Variants in ETV1 observed in about 807,000 individuals in gnomAD.
The protein encoded by ETV1 is ETS variant transcription factor 1.
ETV1 carries 27 observed loss-of-function variants against 62.3 expected under a neutral mutation model. That is an observed-to-expected ratio of 0.43 (90% CI 0.32 to 0.60). The LOEUF (loss-of-function observed/expected upper bound fraction) is 0.60. ETV1 is among the 20% of genes least tolerant of loss of function. The pLI is 0.06. For synonymous variants in ETV1, 222 were observed against 199.6 expected (o/e 1.11, Z -0.94); for missense variants, 605 against 605.8 (o/e 1.00, Z 0.01).
At chr7:13,984,079 T>C (rs1204112473) in intron 5 of ETV1, among the ~76,000 whole-genome samples, 8 of 151,968 alleles carry the variant, frequency 5.3e-5, no homozygotes, top group Non-Finnish European at 1.5e-5. Flanking sequence ...TTTATAATTT[T>C]TCAAAAACAC....
chr7:13,964,108 GC>G (rs1038498380), intron 6 of ETV1, among the ~76,000 whole-genome samples: 1 of 152,108 alleles, frequency 6.6e-6, no homozygotes, highest in African/African-American at 2.4e-5. Context: ...TGACATTCTG[GC>G]CCCAGTGCCA....
At chr7:13,919,591 C>T (rs956442137) in intron 9 of ETV1, among the ~76,000 whole-genome samples, 2 of 147,334 alleles carry the variant, frequency 1.4e-5, no homozygotes, top group South Asian at 4.3e-4. Flanking sequence ...CACACACACA[C>T]ACACACACAC....
intron 12 of ETV1, among the ~76,000 whole-genome samples, chr7:13,903,762 C>CAAAA (rs534972176): frequency 4.3e-5 from 4 of 93,164 alleles, no homozygotes; most frequent in African/African-American, 1.5e-4. Flanking sequence ...GATTCCATCT[C>CAAAA]AAAAAAAAAA....
chr7:13,899,753 A>C lies in ETV1; in HGVS notation c.1212+985T>G, dbSNP rs565039930. On this transcript the variant is annotated intron_variant, in intron 13 of 13. Coordinates refer to ENST00000430479, the MANE Select transcript of ETV1 (RefSeq NM_004956.5). Reference sequence around the variant, plus strand: ...AAACAAATATCCACGTTTTATCTTCATTCATTTATTTATTCCTTTCTTCAA... The same window carrying C: ...AAACAAATATCCACGTTTTATCTTCCTTCATTTATTTATTCCTTTCTTCAA... Among the ~76,000 whole-genome samples, 5 of 152,206 alleles carry C rather than the reference A, an allele frequency of 3.3e-5. No homozygotes were observed. The South Asian group carries it at 8.3e-4, about 25-fold the overall frequency.
At chr7:13,964,725 G>A (rs865811013) in intron 6 of ETV1, among the ~76,000 whole-genome samples, 1 of 148,606 alleles carries the variant, frequency 6.7e-6, no homozygotes, top group Middle Eastern at 3.2e-3. Context: ...CCAGTATCTG[G>A]AATAAGATAC....
upstream of ETV1, chr7:13,990,007 C>G (rs1418622327): frequency 6.2e-6 from 1 of 160,542 alleles, no homozygotes; most frequent in Non-Finnish European, 1.4e-5. Context: ...CACTATTGGG[C>G]TGGTTTCCTT....
Position 13,909,810 on chromosome 7 carries a change from C to G in ETV1, c.872-110G>C, listed in dbSNP as rs114480913. ...GTGATAGAAAATGACTCTGCCACCA[C>G]CTTTCAGTTCCTTGAGCCCTGGACA... On this transcript the variant is annotated intron_variant, in intron 10 of 13. Transcript: ENST00000430479. 3.6e-3 allele frequency: 3,088 copies of G among 863,116 alleles called. 66 individuals are homozygous for G. In the African/African-American group the frequency reaches 0.046, roughly 13 times the overall value. The allele number at this position is 863,116 out of a possible 1,614,324, so 53.5% of individuals were successfully genotyped here. A position where few individuals can be genotyped will look rare whatever the true frequency, so the allele number is the denominator to read the frequency against.
At chr7:13,936,238 T>C (rs1786795060) in intron 7 of ETV1, among the ~76,000 whole-genome samples, 1 of 152,218 alleles carries the variant, frequency 6.6e-6, no homozygotes, top group Non-Finnish European at 1.5e-5. Flanking sequence ...GAAAGTTTGA[T>C]AGATCTTTCC....
chr7:13,935,849 G>A lies in ETV1; in HGVS notation c.413C>T (p.Pro138Leu). ...GGACACTGGCGTGCTGGATGGTGTG[G>A]GGGGGTTGGAGGGCCTCATTCCCAC... ...PQVGMRPSNPPTPSSTPVSPL... is the reference protein window; with the variant it reads ...PQVGMRPSNPLTPSSTPVSPL... The change falls in exon 8 of 14, where the codon CCC becomes CTC. Residue 138 changes from proline to leucine, a missense_variant. Physicochemically the swap from Pro to Leu is moderately conservative, Grantham distance 98. Around this residue, in one of 3 missense-constraint regions of ETV1, gnomAD observed 426 missense variants for 377.8 expected, o/e 1.13. Transcript: ENST00000430479. 5 of 1,613,884 alleles carry A rather than the reference G, an allele frequency of 3.1e-6. No homozygotes were observed. The highest frequency in any genetic ancestry group is 4.2e-6 in the Non-Finnish European group (5 of 1,179,850).
At chr7:13,938,523 T>C (rs1324234807) in intron 7 of ETV1, among the ~76,000 whole-genome samples, 1 of 152,232 alleles carries the variant, frequency 6.6e-6, no homozygotes, top group Non-Finnish European at 1.5e-5. Context: ...AGTAGCATCA[T>C]ACAATTTACT....
At position 13,895,868 on chromosome 7, in the gene ETV1, A is replaced by G; in HGVS notation, c.1432T>C (p.Ter478GlnextTer3). 1 of 1,611,900 alleles carries G rather than the reference A, an allele frequency of 6.2e-7. No individual in the cohort carries two copies. The highest frequency in any genetic ancestry group is 8.5e-7 in the Non-Finnish European group (1 of 1,178,722). The change falls in exon 14 of 14, where the codon TAA becomes CAA. Residue 478 changes from the stop codon to glutamine (Q), a stop_lost. Coordinates refer to ENST00000430479, the MANE Select transcript of ETV1 (RefSeq NM_004956.5). The stretch of plus-strand genomic sequence containing the variant: ...GCCCTGCTTGACTGTCACTTGTGTT[A>G]ATACACGTAGCCTTCGTTGTAGGGG... ...PHPYNEGYVY* is the reference protein window; with the variant it reads ...PHPYNEGYVYQ
intron 6 of ETV1, among the ~76,000 whole-genome samples, chr7:13,962,659 G>T (rs1790328204): frequency 6.6e-6 from 1 of 152,014 alleles, no homozygotes; most frequent in African/African-American, 2.4e-5. Context: ...TGAAGCTGAA[G>T]ACCTATGTAT....
intron 6 of ETV1, among the ~76,000 whole-genome samples, chr7:13,970,937 A>T (rs192905859): frequency 1.3e-5 from 2 of 152,092 alleles, no homozygotes; most frequent in East Asian, 3.9e-4. Context: ...TGAAAAAAAA[A>T]AGTCAAATGC....
chr7:13,930,667 G>C (rs1419873750), intron 9 of ETV1, among the ~76,000 whole-genome samples: 1 of 151,892 alleles, frequency 6.6e-6, no homozygotes, highest in Non-Finnish European at 1.5e-5. Context: ...TCCCCCACTT[G>C]ACCCGCTGCT....
At chr7:13,987,646 G>T (rs1782666452) in intron 4 of ETV1, among the ~76,000 whole-genome samples, 1 of 152,116 alleles carries the variant, frequency 6.6e-6, no homozygotes, top group African/African-American at 2.4e-5. Context: ...ATAGTAGATG[G>T]TTTTAGTGTA....
intron 6 of ETV1, among the ~76,000 whole-genome samples, chr7:13,953,672 A>G (rs111915342): frequency 7.6e-6 from 1 of 131,330 alleles, no homozygotes; most frequent in East Asian, 2.1e-4. Flanking sequence ...AGAACATGTT[A>G]AAAAAAAAAA....
chr7:13,898,657 A>G (rs895748290), intron 13 of ETV1, among the ~76,000 whole-genome samples: 1 of 152,174 alleles, frequency 6.6e-6, no homozygotes, highest in Non-Finnish European at 1.5e-5. Flanking sequence ...TCTATATTAT[A>G]TACACCACAT....
chr7:13,946,280 T>G (rs1788152738), intron 6 of ETV1, among the ~76,000 whole-genome samples: 1 of 152,168 alleles, frequency 6.6e-6, no homozygotes, highest in Non-Finnish European at 1.5e-5. Flanking sequence ...ATCAAATTTT[T>G]GGGAGGAAAG....
intron 9 of ETV1, among the ~76,000 whole-genome samples, chr7:13,921,698 T>C (rs1169783565): frequency 6.6e-6 from 1 of 152,196 alleles, no homozygotes; most frequent in Non-Finnish European, 1.5e-5. Flanking sequence ...TTCTAATATC[T>C]GATTAATACA....
Sources: allele counts gnomAD v4.1 joint callset (sites outside exome capture counted in the v4.1 genomes callset), GRCh38; gene constraint gnomAD v4.1.1; regional missense constraint gnomAD v4.1.1; transcripts MANE v1.5; gene names NCBI Gene and HGNC (gene_info 2026-07-23, HGNC 2026-07-21).